Variants in FLI1 observed in about 807,000 individuals in gnomAD.
The protein encoded by FLI1 is Friend leukemia integration 1 transcription factor.
In FLI1, 13 loss-of-function variants were observed where a neutral mutation model predicts 53.1. That is an observed-to-expected ratio of 0.24 (90% CI 0.16 to 0.39). The LOEUF (loss-of-function observed/expected upper bound fraction) is 0.39, where lower values mean the gene tolerates loss of function less well. Among genes scored for constraint, FLI1 ranks in the 10% least tolerant of loss-of-function variants. FLI1 has a pLI of 1.00. For missense variants in FLI1, 424 were observed against 600.5 expected, an observed-to-expected ratio of 0.71 and a Z score of 3.07; for synonymous variants, 244 against 236.7, an observed-to-expected ratio of 1.03 and a Z score of -0.28.
At chr11:128,694,709 G>T (rs1937959452) in intron 1 of FLI1, among the ~76,000 whole-genome samples, 1 of 152,172 alleles carries the variant, frequency 6.6e-6, no homozygotes. Flanking sequence ...CGGCGGGGGC[G>T]GGGGCTGCAG....
intron 2 of FLI1, among the ~76,000 whole-genome samples, chr11:128,767,263 G>A (rs1370299669): frequency 6.6e-6 from 1 of 152,208 alleles, no homozygotes; most frequent in East Asian, 1.9e-4. Context: ...CTTCCACAGT[G>A]AGCTTGGGGC....
chr11:128,714,655 A>G (rs543277053), intron 1 of FLI1, among the ~76,000 whole-genome samples: 1 of 148,672 alleles, frequency 6.7e-6, no homozygotes, highest in Non-Finnish European at 1.5e-5. Flanking sequence ...GATGATGATG[A>G]TGGTTACTGA....
intron 1 of FLI1, among the ~76,000 whole-genome samples, chr11:128,738,474 C>T (rs1231599435): frequency 6.6e-6 from 1 of 152,224 alleles, no homozygotes; most frequent in African/African-American, 2.4e-5. Flanking sequence ...GGTGGGACAC[C>T]CAAGTTCAAG....
upstream of FLI1, among the ~76,000 whole-genome samples, chr11:128,689,034 C>T (rs1937637561): frequency 1.3e-5 from 2 of 152,248 alleles, no homozygotes; most frequent in South Asian, 4.1e-4. Context: ...GTTCTAAAGG[C>T]TTATTTCGTC....
chr11:128,718,981 G>A (rs1310778217), intron 1 of FLI1, among the ~76,000 whole-genome samples: 2 of 152,116 alleles, frequency 1.3e-5, no homozygotes, highest in Non-Finnish European at 2.9e-5. Context: ...ACGAACTTTC[G>A]GTATTTTGAA....
chr11:128,745,760 G>A (rs1030806661), intron 1 of FLI1, among the ~76,000 whole-genome samples: 4 of 152,238 alleles, frequency 2.6e-5, no homozygotes, highest in Admixed American at 2.6e-4. Context: ...GCGTGAGGCA[G>A]GACGTCCTTG....
intron 1 of FLI1, chr11:128,696,029 C>A (rs1158196085): frequency 6.6e-6 from 1 of 152,224 alleles, no homozygotes; most frequent in Non-Finnish European, 1.5e-5. Flanking sequence ...CGCACAGGCC[C>A]TGAGCAAAAG....
intron 4 of FLI1, among the ~76,000 whole-genome samples, chr11:128,773,471 A>G (rs2079821369): frequency 6.6e-6 from 1 of 151,918 alleles, no homozygotes; most frequent in South Asian, 2.1e-4. Flanking sequence ...CAGGGCTGCT[A>G]TCTGCACACT....
chr11:128,760,325 G>A (rs1487153731), intron 2 of FLI1, among the ~76,000 whole-genome samples: 1 of 152,044 alleles, frequency 6.6e-6, no homozygotes, highest in Non-Finnish European at 1.5e-5. Flanking sequence ...CAGGCGTTTG[G>A]TTCCAGCCCC....
rs866496287 is a variant in FLI1 at position 128,703,863 on chromosome 11, A to C, written c.18+9587A>C. Among the ~76,000 whole-genome samples the C allele has an allele frequency of 6.1e-3, 758 of 124,286 alleles. 3 individuals carry two copies. Among genetic ancestry groups the C allele is most frequent in the African/African-American group, 0.022 (711 of 32,928 alleles). 81.5% of individuals were successfully genotyped at this position (124,286 alleles called of 152,430 possible). ...GTCTCAAAAAAAAAAAAAAAAAAAA[A>C]CAAACGTTAAGAGAGACACAGAAAC... is the stretch of plus-strand genomic sequence containing the variant. On this transcript the variant is annotated intron_variant, in intron 1 of 8. Coordinates refer to ENST00000527786, the MANE Select transcript of FLI1 (RefSeq NM_002017.5).
At chr11:128,788,382 T>C (rs1457035633) in intron 5 of FLI1, among the ~76,000 whole-genome samples, 1 of 151,924 alleles carries the variant, frequency 6.6e-6, no homozygotes, top group Non-Finnish European at 1.5e-5. Flanking sequence ...AGCAGGAGAA[T>C]TGCTTGAACC....
intron 1 of FLI1, among the ~76,000 whole-genome samples, chr11:128,723,648 T>C (rs1353756675): frequency 6.6e-6 from 1 of 152,242 alleles, no homozygotes; most frequent in Non-Finnish European, 1.5e-5. Context: ...ATGCAACCCA[T>C]TTGTTCTTTC....
chr11:128,692,345 T>A (rs938314146), upstream of FLI1, among the ~76,000 whole-genome samples: 4 of 152,096 alleles, frequency 2.6e-5, no homozygotes, highest in African/African-American at 9.7e-5. Flanking sequence ...GGTAACCAGA[T>A]GTGGCGGTCC....
chr11:128,721,257 C>A (rs1283851937), intron 1 of FLI1, among the ~76,000 whole-genome samples: 1 of 152,194 alleles, frequency 6.6e-6, no homozygotes, highest in Non-Finnish European at 1.5e-5. Flanking sequence ...TCCACTCAAT[C>A]ATTCATTCAT....
At chr11:128,794,914 T>G (rs1353627370) in intron 5 of FLI1, among the ~76,000 whole-genome samples, 3 of 152,056 alleles carry the variant, frequency 2.0e-5, no homozygotes, top group Admixed American at 2.0e-4. Flanking sequence ...AATCTCTACA[T>G]CAAATAAAAA....
At chr11:128,799,058 C>CTTTTTTTTTTTTTTTTTTTTTTTTTTTTT (rs1942544964) in intron 5 of FLI1, among the ~76,000 whole-genome samples, 1 of 102,752 alleles carries the variant, frequency 9.7e-6, no homozygotes, top group African/African-American at 3.9e-5. Context: ...TATTATTTTG[C>CTTTTTTTTTTTTTTTTTTTTTTTTTTTTT]TTTGGAGACA....
At chr11:128,802,464 G>A (rs1942661650) in intron 5 of FLI1, among the ~76,000 whole-genome samples, 1 of 152,230 alleles carries the variant, frequency 6.6e-6, no homozygotes, top group Non-Finnish European at 1.5e-5. Context: ...TCCACAGGCT[G>A]CTGGGATGGA....
upstream of FLI1, chr11:128,693,895 A>C (rs1937879647): frequency 2.9e-5 from 7 of 245,042 alleles, no homozygotes; most frequent in Admixed American, 5.8e-5. Context: ...GGGGGAGGGA[A>C]GACGAGGGAG....
chr11:128,783,417 AT>A (rs1941985683), intron 5 of FLI1, among the ~76,000 whole-genome samples: 1 of 152,088 alleles, frequency 6.6e-6, no homozygotes, highest in Admixed American at 6.5e-5. Flanking sequence ...GCTTTTAAAC[AT>A]TTGTGTTTTT....
Sources: allele counts gnomAD v4.1 joint callset (sites outside exome capture counted in the v4.1 genomes callset), GRCh38; gene constraint gnomAD v4.1.1; transcripts MANE v1.5; gene names NCBI Gene and HGNC (gene_info 2026-07-23, HGNC 2026-07-21).